Variants in SLC25A48 observed in about 807,000 individuals in gnomAD.
SLC25A48 encodes CTC-321K16.1.
SLC25A48 carries 29 observed loss-of-function variants against 32.2 expected under a neutral mutation model. That is an observed-to-expected ratio of 0.90 (90% confidence interval 0.67 to 1.23). The LOEUF (loss-of-function observed/expected upper bound fraction) is 1.23. Ranked by LOEUF, SLC25A48 falls within the 50% of genes most tolerant of loss-of-function variation. The pLI is 0.00. For synonymous variants in SLC25A48, 164 were observed against 172.3 expected (o/e 0.95, Z 0.38); for missense variants, 399 against 422.7 (o/e 0.94, Z 0.49).
intron 3 of SLC25A48, among the ~76,000 whole-genome samples, chr5:135,665,431 A>C (rs1337525277): frequency 1.3e-5 from 2 of 151,978 alleles, no homozygotes; most frequent in African/African-American, 4.8e-5. Flanking sequence ...TAGTTTAATT[A>C]GGTTTCATTT....
intron 1 of SLC25A48, among the ~76,000 whole-genome samples, chr5:135,610,983 T>C (rs2126890666): frequency 6.6e-6 from 1 of 152,258 alleles, no homozygotes; most frequent in East Asian, 1.9e-4. Flanking sequence ...GCGCAGAAAC[T>C]CAATTTCAAA....
At chr5:135,852,895 G>A (rs1760016033) in intron 4 of SLC25A48, 74 bp downstream of exon 4, 1 of 1,514,614 alleles carries the variant, frequency 6.6e-7, no homozygotes, top group Non-Finnish European at 8.9e-7. Flanking sequence ...TCTGGGACAT[G>A]GTTGTTAAAA....
chr5:135,853,561 T>G (rs1040065106), intron 4 of SLC25A48, among the ~76,000 whole-genome samples: 2 of 152,244 alleles, frequency 1.3e-5, no homozygotes, highest in African/African-American at 4.8e-5. Flanking sequence ...AAGTAACTCT[T>G]CATCCGTTAA....
intron 3 of SLC25A48, among the ~76,000 whole-genome samples, chr5:135,670,397 G>A (rs761021112): frequency 3.3e-5 from 5 of 152,168 alleles, no homozygotes; most frequent in South Asian, 2.1e-4. Flanking sequence ...CCCAGATCTC[G>A]TTCTAGGGCT....
At chr5:135,767,123 A>G (rs527408519) in intron 3 of SLC25A48, among the ~76,000 whole-genome samples, 9 of 149,350 alleles carry the variant, frequency 6.0e-5, no homozygotes, top group African/African-American at 2.2e-4. Context: ...CATTCCCTTG[A>G]CATGTTTTGT....
chr5:135,823,016 A>C lies in SLC25A48; in HGVS notation c.-117+10090A>C, dbSNP rs1757931553. 2.0e-5 allele frequency among the ~76,000 whole-genome samples: 3 copies of C among 152,148 alleles called. No individual in the cohort carries two copies. The South Asian group carries it at 6.2e-4, about 32-fold the overall frequency. ...ACCAGAAGCTGGCAGTCTATGGGCC[A>C]GTAGGCACTTACCAAGGAGTCTGGC... On this transcript the variant is annotated intron_variant, in intron 4 of 10. Coordinates refer to the SLC25A48 transcript ENST00000646290.
intron 3 of SLC25A48, among the ~76,000 whole-genome samples, chr5:135,695,521 GC>G (rs993284099): frequency 6.6e-6 from 1 of 152,174 alleles, no homozygotes; most frequent in Non-Finnish European, 1.5e-5. Flanking sequence ...CAGTCCTCCT[GC>G]CCCTGGTATG....
chr5:135,684,228 T>A (rs936295496), intron 3 of SLC25A48, among the ~76,000 whole-genome samples: 1 of 152,186 alleles, frequency 6.6e-6, no homozygotes, highest in Non-Finnish European at 1.5e-5. Context: ...TTCTTGCATG[T>A]CTTTCTAGGT....
intron 3 of SLC25A48, among the ~76,000 whole-genome samples, chr5:135,763,589 G>A (rs1322476370): frequency 6.6e-6 from 1 of 152,074 alleles, no homozygotes; most frequent in Non-Finnish European, 1.5e-5. Flanking sequence ...AAGAAAGAGG[G>A]AATCCTTCAG....
At chr5:135,865,510 C>T (rs1335166057) in intron 4 of SLC25A48, among the ~76,000 whole-genome samples, 1 of 152,212 alleles carries the variant, frequency 6.6e-6, no homozygotes, top group Non-Finnish European at 1.5e-5. Context: ...TCTAAAGCCT[C>T]TGACCCAAGG....
chr5:135,697,815 G>A (rs1031115985), intron 3 of SLC25A48, among the ~76,000 whole-genome samples: 3 of 152,166 alleles, frequency 2.0e-5, no homozygotes, highest in Admixed American at 6.5e-5. Flanking sequence ...CAGGCTCCTG[G>A]CTGCCAGGTG....
intron 3 of SLC25A48, among the ~76,000 whole-genome samples, chr5:135,777,316 AC>A (rs1292058802): frequency 6.6e-6 from 1 of 151,400 alleles, no homozygotes; most frequent in African/African-American, 2.4e-5. Context: ...TTACAGCCCC[AC>A]CCCCCAATAT....
chr5:135,842,554 T>C, intron 2 of SLC25A48, 95 bp downstream of exon 2: 1 of 1,306,980 alleles, frequency 7.7e-7, no homozygotes. Flanking sequence ...TCTCAGAGAG[T>C]CTTCTGCCCA....
At chr5:135,668,989 T>C (rs1234839508) in intron 3 of SLC25A48, among the ~76,000 whole-genome samples, 1 of 152,130 alleles carries the variant, frequency 6.6e-6, no homozygotes, top group Non-Finnish European at 1.5e-5. Flanking sequence ...GTTATTCTAA[T>C]AAAAGAGAAT....
intron 3 of SLC25A48, among the ~76,000 whole-genome samples, chr5:135,667,780 T>C (rs1753558050): frequency 6.6e-6 from 1 of 152,246 alleles, no homozygotes; most frequent in Admixed American, 6.5e-5. Context: ...TCCTGTCATT[T>C]AAAAGTTCTG....
At chr5:135,615,816 C>G (rs1253908728) in intron 1 of SLC25A48, among the ~76,000 whole-genome samples, 1 of 152,220 alleles carries the variant, frequency 6.6e-6, no homozygotes, top group East Asian at 1.9e-4. Flanking sequence ...GAGGCAGCCC[C>G]TCTCATCCCA....
At chr5:135,812,406 G>A (rs917276992) in intron 3 of SLC25A48, 5 of 152,146 alleles carry the variant, frequency 3.3e-5, no homozygotes, top group African/African-American at 9.7e-5. Flanking sequence ...TTTTTTAAGT[G>A]AATTAATTTA....
At chr5:135,846,584 T>C (rs143239577) in intron 2 of SLC25A48, among the ~76,000 whole-genome samples, 25 of 152,284 alleles carry the variant, frequency 1.6e-4, no homozygotes, top group Admixed American at 1.2e-3. Context: ...CCTTGGGTTT[T>C]CAGCTCTGGG....
At chr5:135,751,117 C>T (rs1265620240) in intron 3 of SLC25A48, among the ~76,000 whole-genome samples, 5 of 152,168 alleles carry the variant, frequency 3.3e-5, no homozygotes, top group African/African-American at 4.8e-5. Context: ...CCACCCAGCC[C>T]GTGCACTGGC....
Sources: gnomAD v4.1 joint callset for allele counts (sites outside exome capture counted in the v4.1 genomes callset) on GRCh38, gnomAD v4.1.1 for gene constraint, MANE v1.5 for transcripts, NCBI Gene and HGNC (gene_info 2026-07-23, HGNC 2026-07-21) for gene names.